Variants in CASP9 observed in about 807,000 individuals in gnomAD.
CASP9 encodes the protein caspase-9.
In CASP9, 29 loss-of-function variants were observed where a neutral mutation model predicts 43.5. The observed-to-expected ratio is 0.67, with a 90% CI of 0.50 to 0.91. CASP9 has a LOEUF of 0.91. Ranked by LOEUF, CASP9 falls within the 40% of genes least tolerant of loss-of-function variation. The pLI is 0.00. For missense variants in CASP9, 575 were observed against 537.4 expected, an observed-to-expected ratio of 1.07 and a Z score of -0.69; for synonymous variants, 206 against 211.9, an observed-to-expected ratio of 0.97 and a Z score of 0.24.
chr1:15,505,944 G>C, intron 5 of CASP9, 46 bp downstream of exon 5: 1 of 1,455,918 alleles, frequency 6.9e-7, no homozygotes, highest in Non-Finnish European at 9.7e-7. Flanking sequence ...CTCTTGGCAC[G>C]GCCAGTACCC....
upstream of CASP9, chr1:15,524,853 T>A: frequency 1.2e-6 from 1 of 800,438 alleles, no homozygotes; most frequent in Non-Finnish European, 1.4e-6. Context: ...AGGACGCACC[T>A]CAGCGCCTCG....
chr1:15,516,296 C>T (rs1709945062), intron 2 of CASP9, among the ~76,000 whole-genome samples: 1 of 150,964 alleles, frequency 6.6e-6, no homozygotes, highest in South Asian at 2.1e-4. Context: ...TCAAGACCAG[C>T]CTGGGCCACA....
chr1:15,511,445 C>A (rs535111238), intron 2 of CASP9, among the ~76,000 whole-genome samples: 3 of 152,050 alleles, frequency 2.0e-5, no homozygotes, highest in African/African-American at 7.2e-5. Flanking sequence ...GCTCTGTCGC[C>A]CAGGCTGGAG....
intron 6 of CASP9, among the ~76,000 whole-genome samples, chr1:15,499,122 G>A (rs1194125982): frequency 6.6e-6 from 1 of 152,170 alleles, no homozygotes; most frequent in Admixed American, 6.5e-5. Flanking sequence ...TCCATTTTAT[G>A]TAATTAGGCA....
intron 6 of CASP9, among the ~76,000 whole-genome samples, chr1:15,500,527 G>A (rs530767980): frequency 6.6e-6 from 1 of 152,274 alleles, no homozygotes; most frequent in South Asian, 2.1e-4. Context: ...CTGATATGAG[G>A]GGCGCGGAAT....
chr1:15,509,707 G>T (rs1053749021), intron 2 of CASP9, among the ~76,000 whole-genome samples: 11 of 152,106 alleles, frequency 7.2e-5, no homozygotes, highest in Non-Finnish European at 1.5e-4. Flanking sequence ...AAATAGTGTG[G>T]TCTCATTGAG....
At chr1:15,515,881 C>T (rs1040881740) in intron 2 of CASP9, among the ~76,000 whole-genome samples, 1 of 152,000 alleles carries the variant, frequency 6.6e-6, no homozygotes, top group African/African-American at 2.4e-5. Flanking sequence ...CACGGTAAGA[C>T]CCTATCTCTA....
At chr1:15,498,241 G>A (rs1709188671) in intron 6 of CASP9, among the ~76,000 whole-genome samples, 1 of 152,086 alleles carries the variant, frequency 6.6e-6, no homozygotes, top group Non-Finnish European at 1.5e-5. Context: ...ACCACACCCA[G>A]TTAATTTTTG....
At chr1:15,523,666 C>T (rs1710305228) in intron 1 of CASP9, among the ~76,000 whole-genome samples, 1 of 136,240 alleles carries the variant, frequency 7.3e-6, no homozygotes, top group Non-Finnish European at 1.6e-5. Context: ...ATTAACAGAC[C>T]TTAAAAAAAA....
intron 7 of CASP9, 114 bp downstream of exon 7, chr1:15,495,159 G>A: frequency 1.0e-6 from 1 of 996,566 alleles, no homozygotes; most frequent in Non-Finnish European, 1.5e-6. Context: ...TCACAGAGGG[G>A]CAAAAGACAG....
At chr1:15,498,271 A>G (rs1189817563) in intron 6 of CASP9, among the ~76,000 whole-genome samples, 1 of 151,828 alleles carries the variant, frequency 6.6e-6, no homozygotes, top group Non-Finnish European at 1.5e-5. Flanking sequence ...TAGAGACAGG[A>G]TCTTGCCATG....
intron 6 of CASP9, 65 bp from the exon 7 acceptor site, chr1:15,495,517 T>C: frequency 7.3e-7 from 1 of 1,365,600 alleles, no homozygotes; most frequent in Non-Finnish European, 9.8e-7. Flanking sequence ...GTTCAACATA[T>C]GAAAGTCGGT....
chr1:15,502,665 C>T (rs1709368992), intron 6 of CASP9, among the ~76,000 whole-genome samples: 1 of 152,144 alleles, frequency 6.6e-6, no homozygotes, highest in Non-Finnish European at 1.5e-5. Context: ...AGCAGATATT[C>T]ACGTGACAAA....
rs748635285 is a variant in CASP9 at position 15,518,215 on chromosome 1, T to C, written c.313A>G (p.Asn105Asp). The C allele has an allele frequency of 6.2e-7, 1 of 1,614,066 alleles. No individual in the cohort carries two copies. Among genetic ancestry groups the C allele is most frequent in the African/African-American group, 1.3e-5 (1 of 74,908 alleles). Residue 105 changes from asparagine (N) to aspartate (D), a missense_variant, in exon 2 of 9, where the codon AAC becomes GAC. Asn to Asp is a conservative substitution (Grantham distance 23, BLOSUM62 1). Coordinates refer to ENST00000333868, the MANE Select transcript of CASP9 (RefSeq NM_001229.5). ...AAKLSKPTLE[N>D]LTPVVLRPEI... ...GGTCTGAGCACCACTGGGGTAAGGT[T>C]TTCTAGGGTTGGCTTCGACAACTTT...
rs1708896522 is a variant in CASP9, at chr1:15,491,565, C to T, written c.*1378G>A. ...TTGAGTCCAGGAGTTCAAGACCAGC[C>T]TGAGTAACATGGCATAACTCTGTCT... On this transcript the variant is annotated 3_prime_UTR_variant, in exon 9 of 9. Coordinates refer to ENST00000333868, the MANE Select transcript of CASP9 (RefSeq NM_001229.5). The T allele has an allele frequency of 2.1e-6, 1 of 479,958 alleles. No individual in the cohort carries two copies. The highest frequency in any genetic ancestry group is 2.0e-5 in the African/African-American group (1 of 51,210). 29.7% of individuals were successfully genotyped at this position (479,958 alleles called of 1,614,324 possible). A position where few individuals can be genotyped will look rare whatever the true frequency, so the allele number is the denominator to read the frequency against.
intron 7 of CASP9, among the ~76,000 whole-genome samples, chr1:15,494,849 C>T (rs1709039954): frequency 1.8e-5 from 2 of 111,596 alleles, no homozygotes; most frequent in African/African-American, 4.0e-5. Flanking sequence ...GGCAACAGAG[C>T]GAGATTCCAT....
chr1:15,523,970 G>A, intron 1 of CASP9, 99 bp downstream of exon 1: 1 of 907,126 alleles, frequency 1.1e-6, no homozygotes, highest in Non-Finnish European at 1.6e-6. Flanking sequence ...CCGCTGAGGG[G>A]TTTGAAGCCA....
At chr1:15,521,577 C>G (rs1570878873) in intron 1 of CASP9, among the ~76,000 whole-genome samples, 1 of 152,226 alleles carries the variant, frequency 6.6e-6, no homozygotes, top group East Asian at 1.9e-4. Context: ...TGCCTTCTCT[C>G]TCTGCTTCAG....
chr1:15,499,031 C>T (rs1048722960), intron 6 of CASP9, among the ~76,000 whole-genome samples: 1 of 152,212 alleles, frequency 6.6e-6, no homozygotes, highest in African/African-American at 2.4e-5. Context: ...GCCACCGCCC[C>T]TGGCCAATGA....
Sources: allele counts gnomAD v4.1 joint callset (sites outside exome capture counted in the v4.1 genomes callset), GRCh38; gene constraint gnomAD v4.1.1; transcripts MANE v1.5; gene names NCBI Gene and HGNC (gene_info 2026-07-23, HGNC 2026-07-21).